Variants in ERICH3 observed in about 807,000 individuals in gnomAD.
ERICH3 encodes glutamate-rich protein 3.
ERICH3 carries 126 observed loss-of-function variants against 131.1 expected under a neutral mutation model. The observed-to-expected ratio is 0.96, with a 90% CI of 0.83 to 1.11. The LOEUF is 1.11. ERICH3 is among the 50% of genes most tolerant of loss of function. The pLI is 0.00. For synonymous variants in ERICH3, 695 were observed against 644.6 expected (o/e 1.08, Z -1.18); for missense variants, 2,050 against 1,810.7 (o/e 1.13, Z -2.40).
chr1:74,576,751 A>G, intron 13 of ERICH3, 144 bp downstream of exon 13: 1 of 685,192 alleles, frequency 1.5e-6, no homozygotes. Flanking sequence ...ACATAAATAT[A>G]TTCAAATAAG....
At position 74,589,934 on chromosome 1, in the gene ERICH3, C is replaced by T. The variant is rs767313007; in HGVS notation, c.1873G>A (p.Glu625Lys). The T allele has an allele frequency of 6.2e-7, 1 of 1,614,056 alleles. No homozygotes were observed. Among genetic ancestry groups the T allele is most frequent in the Non-Finnish European group, 8.5e-7 (1 of 1,179,958 alleles). ...ARRSSSQELS[E>K]NDKPRKSHLP... ...TGAGACTTTCTTGGCTTATCATTTT[C>T]ACTCAGTTCCTGAGAAGATGACCTT... The change falls in exon 12 of 15, where the codon GAA becomes AAA. Residue 625 changes from glutamate to lysine, a missense_variant. Coordinates refer to ENST00000326665, the MANE Select transcript of ERICH3 (RefSeq NM_001002912.5).
At chr1:74,611,959 A>G (rs1648717862) in intron 9 of ERICH3, among the ~76,000 whole-genome samples, 1 of 152,208 alleles carries the variant, frequency 6.6e-6, no homozygotes, top group Non-Finnish European at 1.5e-5. Context: ...CACAGAGACA[A>G]ATACTTTAGT....
chr1:74,582,267 G>C (rs1647193809), intron 12 of ERICH3, among the ~76,000 whole-genome samples: 2 of 152,068 alleles, frequency 1.3e-5, no homozygotes, highest in Non-Finnish European at 2.9e-5. Flanking sequence ...TAACTTCTAT[G>C]AGGATGCTCC....
At chr1:74,672,351 G>A (rs755982751) in intron 1 of ERICH3, among the ~76,000 whole-genome samples, 1 of 152,138 alleles carries the variant, frequency 6.6e-6, no homozygotes, top group African/African-American at 2.4e-5. Flanking sequence ...TTCAACTTGA[G>A]ATAAAACAAA....
chr1:74,576,457 G>C (rs936815986), intron 13 of ERICH3, among the ~76,000 whole-genome samples: 2 of 152,114 alleles, frequency 1.3e-5, no homozygotes, highest in African/African-American at 2.4e-5. Context: ...AGTGTTACCT[G>C]GCCCTCTTCA....
chr1:74,578,485 C>A (rs770191707), intron 12 of ERICH3: 1 of 152,148 alleles, frequency 6.6e-6, no homozygotes, highest in Non-Finnish European at 1.5e-5. Flanking sequence ...CATTATATCA[C>A]CTCCTTGTTA....
intron 11 of ERICH3, among the ~76,000 whole-genome samples, chr1:74,592,598 C>T (rs1647659284): frequency 6.6e-6 from 1 of 152,158 alleles, no homozygotes; most frequent in South Asian, 2.1e-4. Flanking sequence ...GAGTGCTCCT[C>T]TGCCTTTCTT....
intron 5 of ERICH3, among the ~76,000 whole-genome samples, chr1:74,638,170 A>C (rs1180069980): frequency 6.6e-6 from 1 of 152,222 alleles, no homozygotes; most frequent in African/African-American, 2.4e-5. Flanking sequence ...GGCAGCTCCT[A>C]CTACCAAAAA....
At chr1:74,592,194 C>A (rs780606444) in intron 11 of ERICH3, 1 of 152,164 alleles carries the variant, frequency 6.6e-6, no homozygotes, top group African/African-American at 2.4e-5. Context: ...TCTCCTGATA[C>A]CTTGACAAAC....
intron 12 of ERICH3, chr1:74,589,280 A>G (rs368341815): frequency 2.3e-5 from 9 of 394,622 alleles, no homozygotes; most frequent in Non-Finnish European, 4.0e-5. Context: ...AGCTAAAAAC[A>G]AATAGTATTT....
At chr1:74,616,802 G>A (rs191370059) in intron 8 of ERICH3, among the ~76,000 whole-genome samples, 2 of 152,228 alleles carry the variant, frequency 1.3e-5, no homozygotes, top group Admixed American at 6.5e-5. Context: ...AGACACACAA[G>A]AATAGCATGT....
intron 1 of ERICH3, among the ~76,000 whole-genome samples, chr1:74,659,828 T>C (rs1019583266): frequency 2.0e-5 from 3 of 152,086 alleles, no homozygotes; most frequent in African/African-American, 7.2e-5. Context: ...AGGGAAGAAG[T>C]AAAACTTGGG....
At chr1:74,629,415 C>CT (rs1165927252) in intron 7 of ERICH3, among the ~76,000 whole-genome samples, 2 of 152,028 alleles carry the variant, frequency 1.3e-5, no homozygotes, top group Non-Finnish European at 2.9e-5. Flanking sequence ...GACTGAAGCC[C>CT]TGTGACTCAG....
chr1:74,592,498 C>T (rs1647654119), intron 11 of ERICH3, among the ~76,000 whole-genome samples: 1 of 152,112 alleles, frequency 6.6e-6, no homozygotes, highest in East Asian at 1.9e-4. Flanking sequence ...TGTTATACTC[C>T]TTCTGAACTC....
chr1:74,628,967 G>T (rs1409986678), intron 7 of ERICH3, among the ~76,000 whole-genome samples: 3 of 152,070 alleles, frequency 2.0e-5, no homozygotes, highest in Non-Finnish European at 4.4e-5. Flanking sequence ...GTCTACAAAT[G>T]TAAAAATATG....
chr1:74,648,404 A>G (rs1333481372), intron 2 of ERICH3, among the ~76,000 whole-genome samples: 1 of 152,114 alleles, frequency 6.6e-6, no homozygotes, highest in East Asian at 1.9e-4. Flanking sequence ...AAAGTTAAGA[A>G]AGTGATTTAT....
chr1:74,613,224 T>C (rs1167586628), intron 8 of ERICH3, among the ~76,000 whole-genome samples: 1 of 152,242 alleles, frequency 6.6e-6, no homozygotes, highest in Non-Finnish European at 1.5e-5. Flanking sequence ...CAAGTTTTTA[T>C]AAAAATTCTT....
intron 9 of ERICH3, among the ~76,000 whole-genome samples, chr1:74,608,271 A>T (rs951595246): frequency 6.6e-6 from 1 of 151,986 alleles, no homozygotes; most frequent in South Asian, 2.1e-4. Context: ...CAAGACCTGG[A>T]TAAAATCCAT....
chr1:74,621,059 C>T, intron 7 of ERICH3, 145 bp from the exon 8 acceptor site: 1 of 661,246 alleles, frequency 1.5e-6, no homozygotes, highest in East Asian at 3.1e-5. Flanking sequence ...TACAAATGCA[C>T]AAAAAGTCAA....
Sources: allele counts gnomAD v4.1 joint callset (sites outside exome capture counted in the v4.1 genomes callset), GRCh38; gene constraint gnomAD v4.1.1; transcripts MANE v1.5; gene names NCBI Gene and HGNC (gene_info 2026-07-23, HGNC 2026-07-21).